PTPRJ: variants seen among roughly 807,000 people sequenced by gnomAD.
PTPRJ encodes receptor-type tyrosine-protein phosphatase eta.
A neutral mutation model predicts 141.3 loss-of-function variants in PTPRJ; 129 were observed. The observed-to-expected ratio is 0.91, with a 90% CI of 0.79 to 1.06. The LOEUF (loss-of-function observed/expected upper bound fraction) is 1.06. PTPRJ is among the 50% of genes least tolerant of loss of function. The probability of loss-of-function intolerance (pLI) is 0.00; values close to 1 mark genes in which losing one functional copy is unlikely to be tolerated. For synonymous variants in PTPRJ, 610 were observed against 640.5 expected (o/e 0.95, Z 0.72); for missense variants, 1,601 against 1,679.7 (o/e 0.95, Z 0.82).
At chr11:48,007,044 C>T (rs567877456) in intron 1 of PTPRJ, among the ~76,000 whole-genome samples, 1 of 152,092 alleles carries the variant, frequency 6.6e-6, no homozygotes, top group South Asian at 2.1e-4. Context: ...GATGTGTTCC[C>T]CTTTACTGTG....
intron 1 of PTPRJ, among the ~76,000 whole-genome samples, chr11:48,049,150 C>A (rs1451019140): frequency 6.6e-6 from 1 of 152,100 alleles, no homozygotes; most frequent in Non-Finnish European, 1.5e-5. Context: ...TTGTTGTGAG[C>A]GCTGTCCTGT....
At chr11:47,981,883 C>T (rs1240349889) in intron 1 of PTPRJ, among the ~76,000 whole-genome samples, 1 of 152,214 alleles carries the variant, frequency 6.6e-6, no homozygotes, top group Non-Finnish European at 1.5e-5. Flanking sequence ...AGCCAGCGGG[C>T]ACGTCCTCTT....
intron 3 of PTPRJ, among the ~76,000 whole-genome samples, chr11:48,114,004 A>G (rs1056934160): frequency 3.3e-5 from 5 of 152,194 alleles, no homozygotes; most frequent in Admixed American, 1.3e-4. Context: ...GTTGTTGGGA[A>G]GGTAGATTAT....
At chr11:48,126,817 C>CACACACACACACACAT (rs1252731987) in intron 6 of PTPRJ, among the ~76,000 whole-genome samples, 3 of 146,484 alleles carry the variant, frequency 2.0e-5, no homozygotes, top group African/African-American at 8.0e-5. Context: ...CACACACACA[C>CACACACACACACACAT]ACAGATAAAC....
intron 12 of PTPRJ, among the ~76,000 whole-genome samples, chr11:48,143,545 C>G (rs1857282388): frequency 6.6e-6 from 1 of 152,286 alleles, no homozygotes; most frequent in Non-Finnish European, 1.5e-5. Flanking sequence ...CAGAGGATGA[C>G]TTTCCTTTGA....
Position 48,136,089 on chromosome 11 carries a change from A to T in PTPRJ, c.1666A>T (p.Met556Leu). ...CGTGGTCTACGTCACCACCACGGAG[A>T]TGTGGCTGGACTGGAAGAGCCCTGA... ...IHVVYVTTTE[M>L]WLDWKSPDGA... Residue 556 changes from methionine (M) to leucine (L), a missense_variant, in exon 9 of 25, where the codon ATG becomes TTG. Physicochemically the swap from Met to Leu is conservative, Grantham distance 15. Transcript: ENST00000418331. 3.1e-6 allele frequency: 5 copies of T among 1,613,964 alleles called. No individual in the cohort carries two copies. Among genetic ancestry groups the T allele is most frequent in the Non-Finnish European group, 4.2e-6 (5 of 1,179,974 alleles).
Position 48,158,778 on chromosome 11 carries a change from A to AC in PTPRJ, c.3439-1147dup, listed in dbSNP as rs149996790. 0.045 allele frequency among the ~76,000 whole-genome samples: 6,871 copies of AC among 152,000 alleles called. 198 individuals carry two copies. Among genetic ancestry groups the AC allele is most frequent in the Middle Eastern group, 0.065 (19 of 294 alleles). On this transcript the variant is annotated intron_variant, in intron 21 of 24. Coordinates refer to ENST00000418331, the MANE Select transcript of PTPRJ (RefSeq NM_002843.4). This position sits in a 1 kb window ranked among gnomAD's most constrained non-coding sequence, Gnocchi z 4.4. ...AGAACAGCCTGGGCAACATAGTGAG[A>AC]CCCCCATCTCTACAAAAATACAAAA...
At chr11:48,148,855 G>T (rs528209920) in intron 15 of PTPRJ, among the ~76,000 whole-genome samples, 1 of 152,130 alleles carries the variant, frequency 6.6e-6, no homozygotes, top group East Asian at 1.9e-4. Flanking sequence ...ACTTATCCTT[G>T]TGCCTAAATC....
rs138412658 is a variant in PTPRJ at position 48,163,526 on chromosome 11, C to G, written c.3627C>G (p.Pro1209=). The change falls in exon 23 of 25, where the codon CCC becomes CCG. Residue 1209 remains proline (P), a synonymous_variant. Transcript: ENST00000418331. ...CCTCCTGGCCAGACCACGGTGTTCC[C>G]GACACCACTGACCTGCTCATCAACT... ...HFTSWPDHGV[P]DTTDLLINFR... is the part of the protein sequence containing the mutation. The G allele has an allele frequency of 6.2e-7, 1 of 1,613,676 alleles. No homozygotes were observed. The highest frequency in any genetic ancestry group is 8.5e-7 in the Non-Finnish European group (1 of 1,179,696).
intron 1 of PTPRJ, among the ~76,000 whole-genome samples, chr11:48,056,707 CTT>C (rs1329379141): frequency 6.6e-6 from 1 of 152,158 alleles, no homozygotes; most frequent in East Asian, 1.9e-4. Context: ...AATCCCAGCA[CTT>C]TGGGAGGCCG....
At chr11:48,088,292 C>G (rs1565296513) in intron 1 of PTPRJ, among the ~76,000 whole-genome samples, 1 of 152,162 alleles carries the variant, frequency 6.6e-6, no homozygotes, top group African/African-American at 2.4e-5. Context: ...AGAGATATCA[C>G]AGAGTAGCAA....
chr11:48,163,500 A>G lies in PTPRJ; in HGVS notation c.3601A>G (p.Thr1201Ala). ...TCACCCTCTGAGACAGTTCCATTTC[A>G]CCTCCTGGCCAGACCACGGTGTTCC... ...ESHPLRQFHF[T>A]SWPDHGVPDT... The change falls in exon 23 of 25, where the codon ACC (threonine) becomes GCC (alanine). Residue 1201 changes from threonine (T) to alanine (A), a missense_variant. Thr to Ala is a moderately conservative substitution (Grantham distance 58). Coordinates refer to ENST00000418331, the MANE Select transcript of PTPRJ (RefSeq NM_002843.4). 6.2e-7 allele frequency: 1 copy of G among 1,613,644 alleles called. No individual in the cohort carries two copies.
intron 1 of PTPRJ, among the ~76,000 whole-genome samples, chr11:48,027,749 C>A (rs752274511): frequency 5.9e-5 from 8 of 135,936 alleles, no homozygotes; most frequent in Non-Finnish European, 9.1e-5. Context: ...AGAGATCATG[C>A]CACTGCACTC....
intron 1 of PTPRJ, among the ~76,000 whole-genome samples, chr11:48,080,689 T>C (rs1228031653): frequency 1.3e-5 from 2 of 152,150 alleles, no homozygotes; most frequent in Non-Finnish European, 2.9e-5. Context: ...TCGGCAAAGA[T>C]AGGGAATGAT....
At chr11:48,072,193 C>T (rs1855280110) in intron 1 of PTPRJ, among the ~76,000 whole-genome samples, 1 of 152,204 alleles carries the variant, frequency 6.6e-6, no homozygotes, top group Middle Eastern at 3.2e-3. Context: ...GTGTAAGCCA[C>T]TGTGCCCAGC....
chr11:48,130,424 T>C lies in PTPRJ; in HGVS notation c.1358-35T>C, dbSNP rs766006706. On this transcript the variant is annotated intron_variant, in intron 7 of 24. Transcript: ENST00000418331. Reference sequence around the variant, plus strand: ...GGCATCCCTGTCTCCTGGAGAAGTATATTTTTAATCTAGTTGTTTACTTTC... The same window carrying C: ...GGCATCCCTGTCTCCTGGAGAAGTACATTTTTAATCTAGTTGTTTACTTTC... 8 of 1,578,808 alleles carry C rather than the reference T, an allele frequency of 5.1e-6. No homozygotes were observed. The Admixed American group carries it at 1.1e-4, about 21-fold the overall frequency.
chr11:48,061,630 A>G (rs902570285), intron 1 of PTPRJ, among the ~76,000 whole-genome samples: 21 of 152,204 alleles, frequency 1.4e-4, no homozygotes, highest in Non-Finnish European at 2.9e-5. Context: ...TCCTGGCACC[A>G]GCATTTGCTC....
chr11:48,125,046 A>G lies in PTPRJ; in HGVS notation c.953A>G (p.Asp318Gly), dbSNP rs749316733. The change falls in exon 6 of 25, where the codon GAC (aspartate) becomes GGC (glycine). Residue 318 changes from aspartate to glycine, a missense_variant. Asp to Gly is a moderately conservative substitution (Grantham distance 94, BLOSUM62 -1). Transcript: ENST00000418331. ...GATGAGTCCCTCGTGGGACCTGTGG[A>G]CCCATCCTCCGGCCAGCAGTCCCGA... ...VHDESLVGPV[D>G]PSSGQQSRDT... The G allele has an allele frequency of 6.2e-7, 1 of 1,613,978 alleles. No homozygotes were observed. Among genetic ancestry groups the G allele is most frequent in the East Asian group, 2.2e-5 (1 of 44,866 alleles).
At chr11:48,057,498 G>A (rs1350909824) in intron 1 of PTPRJ, among the ~76,000 whole-genome samples, 1 of 152,134 alleles carries the variant, frequency 6.6e-6, no homozygotes, top group Non-Finnish European at 1.5e-5. Flanking sequence ...CTGAGATTAG[G>A]TGGATGTACC....
Sources: allele counts gnomAD v4.1 joint callset (sites outside exome capture counted in the v4.1 genomes callset), GRCh38; gene constraint gnomAD v4.1.1; non-coding constraint Gnocchi (gnomAD v3.1); transcripts MANE v1.5; gene names NCBI Gene and HGNC (gene_info 2026-07-23, HGNC 2026-07-21).